The following ZNF764 variants were observed in gnomAD, a reference collection of about 807,000 sequenced individuals.
ZNF764 encodes the protein zinc finger protein 764.
ZNF764 carries 10 observed loss-of-function variants against 13.9 expected under a neutral mutation model. That is an observed-to-expected ratio of 0.72 (90% confidence interval 0.44 to 1.22). The LOEUF is 1.22. ZNF764 is among the 50% of genes most tolerant of loss of function. The pLI is 0.00. For synonymous variants in ZNF764, 313 were observed against 255.1 expected (o/e 1.23, Z -2.16); for missense variants, 647 against 589.7 (o/e 1.10, Z -1.01).
In ZNF764 at chr16:30,557,879, G is replaced by A. The variant is rs1197595695; in HGVS notation, c.197-33C>T. The A allele has an allele frequency of 8.9e-6, 14 of 1,580,636 alleles. No homozygotes were observed. In the South Asian group the frequency reaches 1.4e-4, roughly 15 times the overall value. ...AGAAGAACGCAAACCCCACGCTGCGGGGAGGCCACCTGCCCGGCCCCGGGG... is the reference window on the plus strand; with the variant it reads ...AGAAGAACGCAAACCCCACGCTGCGAGGAGGCCACCTGCCCGGCCCCGGGG... On this transcript the variant is annotated intron_variant, in intron 1 of 2. Transcript: ENST00000395091.
At position 30,557,629 on chromosome 16, in the gene ZNF764, G is replaced by A; in HGVS notation, c.310+104C>T. The stretch of plus-strand genomic sequence containing the variant: ...CCTCGTCGTCGCAGTTGAGAAGGCA[G>A]TTCAGAGAGGAAACTGCTAAGCAGG... On this transcript the variant is annotated intron_variant, in intron 2 of 2. Coordinates refer to ENST00000395091, the MANE Select transcript of ZNF764 (RefSeq NM_001172679.2). The A allele has an allele frequency of 2.0e-6, 3 of 1,494,046 alleles. No homozygotes were observed. In the South Asian group the frequency reaches 3.8e-5, roughly 19 times the overall value. 92.5% of individuals were successfully genotyped at this position (1,494,046 alleles called of 1,614,324 possible).
chr16:30,557,389 C>G (rs991717754), intron 2 of ZNF764, among the ~76,000 whole-genome samples: 102 of 152,128 alleles, frequency 6.7e-4, no homozygotes, highest in African/African-American at 2.3e-3. Flanking sequence ...ACTGCTTAAG[C>G]CCGGGAGTTC....
At chr16:30,556,605 G>A (rs892168695) in intron 2 of ZNF764, among the ~76,000 whole-genome samples, 1 of 151,788 alleles carries the variant, frequency 6.6e-6, no homozygotes, top group Non-Finnish European at 1.5e-5. Flanking sequence ...GGCTCAAGGC[G>A]GTAATCCCAG....
rs748875795 is a variant in ZNF764, at chr16:30,556,037, G to A, written c.381C>T (p.Ala127=). Residue 127 remains alanine, a synonymous_variant, in exon 3 of 3, where the codon GCC becomes GCT. Coordinates refer to ENST00000395091, the MANE Select transcript of ZNF764 (RefSeq NM_001172679.2). The part of the protein sequence containing the change: ...TGALEKPDPV[A]AGSPGLKSPQ... ...GAGACTTCAGCCCAGGAGACCCGGC[G>A]GCCACAGGGTCGGGCTTCTCCAGGG... 2.9e-5 allele frequency: 47 copies of A among 1,612,822 alleles called. No individual in the cohort carries two copies. In the South Asian group the frequency reaches 4.2e-4, roughly 14 times the overall value.
At chr16:30,556,178 G>T in intron 2 of ZNF764, 71 bp from the exon 3 acceptor site, 2 of 1,565,152 alleles carry the variant, frequency 1.3e-6, no homozygotes. Flanking sequence ...AGCCCGCGTG[G>T]ACAGGGACAG....
In ZNF764 at chr16:30,555,572, G is replaced by A. The variant is rs375550701; in HGVS notation, c.846C>T (p.Gly282=). ...ALYQHRRVHS[G]ETPFPCPDCG... ...AGTCCGGGCAGGGGAAGGGGGTCTC[G>A]CCGCTGTGCACGCGCCGGTGCTGGT... Residue 282 remains glycine, a synonymous_variant, in exon 3 of 3, where the codon GGC becomes GGT. Coordinates refer to ENST00000395091, the MANE Select transcript of ZNF764 (RefSeq NM_001172679.2). The A allele has an allele frequency of 8.5e-5, 130 of 1,534,350 alleles. No individual in the cohort carries two copies. The highest frequency in any genetic ancestry group is 1.1e-4 in the Non-Finnish European group (123 of 1,145,972).
Position 30,558,184 on chromosome 16 carries a change from G to C in ZNF764, c.-2C>G, listed in dbSNP as rs544019928. The C allele has an allele frequency of 6.3e-7, 1 of 1,583,002 alleles. No individual in the cohort carries two copies. The highest frequency in any genetic ancestry group is 8.5e-7 in the Non-Finnish European group (1 of 1,171,084). On this transcript the variant is annotated 5_prime_UTR_variant, in exon 1 of 3. Transcript: ENST00000395091. ...GAGCGGGGCCAGAGGCGGCGCCATG[G>C]TAACTGTCAACCCCGACGACGGATC...
rs1199702648 is a variant in ZNF764 at position 30,557,816 on chromosome 16, G to A, written c.227C>T (p.Ser76Phe). 6.2e-7 allele frequency: 1 copy of A among 1,611,472 alleles called. No homozygotes were observed. Among genetic ancestry groups the A allele is most frequent in the Non-Finnish European group, 8.5e-7 (1 of 1,178,736 alleles). ...CAGTTCGGCCTCCTCCTCCACCCAG[G>A]AGATGAGAGCTGGCTTGTTGCCTCC... ...GIGGNKPALISWVEEEAELWG... is the reference protein window; with the variant it reads ...GIGGNKPALIFWVEEEAELWG... The change falls in exon 2 of 3, where the codon TCC becomes TTC. Residue 76 changes from serine (S) to phenylalanine (F), a missense_variant. Coordinates refer to ENST00000395091, the MANE Select transcript of ZNF764 (RefSeq NM_001172679.2).
chr16:30,557,892 C>T (rs965533588), intron 1 of ZNF764, 46 bp from the exon 2 acceptor site: 1 of 1,573,486 alleles, frequency 6.4e-7, no homozygotes, highest in African/African-American at 1.4e-5. Flanking sequence ...AGGCCACCTG[C>T]CCGGCCCCGG....
chr16:30,555,614 G>A lies in ZNF764; in HGVS notation c.804C>T (p.Ser268=), dbSNP rs2051545538. 1.3e-6 allele frequency: 2 copies of A among 1,544,408 alleles called. No individual in the cohort carries two copies. Among genetic ancestry groups the A allele is most frequent in the African/African-American group, 2.7e-5 (2 of 73,724 alleles). ...YGCADCGRRF[S]QSSALYQHRR... is the part of the protein sequence containing the mutation. ...GGTGCTGGTAGAGGGCAGAGCTCTG[G>A]CTGAAGCGGCGGCCACAGTCGGCGC... The change falls in exon 3 of 3, where the codon AGC becomes AGT. Residue 268 remains serine (S), a synonymous_variant. Coordinates refer to ENST00000395091, the MANE Select transcript of ZNF764 (RefSeq NM_001172679.2).
In ZNF764 at chr16:30,555,499, T is replaced by G; in HGVS notation, c.919A>C (p.Thr307Pro). The G allele has an allele frequency of 1.3e-6, 2 of 1,542,254 alleles. No individual in the cohort carries two copies. The highest frequency in any genetic ancestry group is 1.7e-6 in the Non-Finnish European group (2 of 1,149,456). Residue 307 changes from threonine to proline, a missense_variant, in exon 3 of 3, where the codon ACC (threonine) becomes CCC (proline). Thr to Pro is a conservative substitution (Grantham distance 38). Transcript: ENST00000395091. ...YPSDLRRHVR[T>P]HTGEKPYPCP... ...GGGTAGGGCTTCTCGCCGGTGTGGGTGCGCACGTGGCGCCGCAGGTCCGAG... is the reference window on the plus strand; with the variant it reads ...GGGTAGGGCTTCTCGCCGGTGTGGGGGCGCACGTGGCGCCGCAGGTCCGAG...
chr16:30,557,885 C>T (rs921405772), intron 1 of ZNF764, 39 bp from the exon 2 acceptor site: 12 of 1,577,328 alleles, frequency 7.6e-6, no homozygotes, highest in Non-Finnish European at 7.8e-6. Context: ...TGCGGGGAGG[C>T]CACCTGCCCG....
Position 30,555,661 on chromosome 16 carries a change from T to C in ZNF764, c.757A>G (p.Thr253Ala), listed in dbSNP as rs1362050615. Residue 253 changes from threonine to alanine, a missense_variant, in exon 3 of 3, where the codon ACC (threonine) becomes GCC (alanine). Coordinates refer to ENST00000395091, the MANE Select transcript of ZNF764 (RefSeq NM_001172679.2). ...SALTSHLRVHTGEKPYGCADC... is the reference protein window; with the variant it reads ...SALTSHLRVHAGEKPYGCADC... ...GCGCAGCCATAGGGTTTCTCGCCGG[T>C]GTGGACGCGCAGGTGCGAAGTCAGC... 6.5e-7 allele frequency: 1 copy of C among 1,547,452 alleles called. No homozygotes were observed. Among genetic ancestry groups the C allele is most frequent in the Non-Finnish European group, 8.7e-7 (1 of 1,150,578 alleles).
At chr16:30,556,935 G>A (rs926923476) in intron 2 of ZNF764, among the ~76,000 whole-genome samples, 1 of 152,164 alleles carries the variant, frequency 6.6e-6, no homozygotes, top group Admixed American at 6.5e-5. Flanking sequence ...AGAAGTTCGA[G>A]ACCAGCCTGG....
chr16:30,557,900 C>T lies in ZNF764; in HGVS notation c.197-54G>A, dbSNP rs756552827. 3.8e-6 allele frequency: 6 copies of T among 1,572,052 alleles called. No individual in the cohort carries two copies. The African/African-American group carries it at 5.4e-5, about 14-fold the overall frequency. On this transcript the variant is annotated intron_variant, in intron 1 of 2. Transcript: ENST00000395091. ...TGCGGGGAGGCCACCTGCCCGGCCC[C>T]GGGGCCCCCAACTTCACGCGCAGCT... is the stretch of plus-strand genomic sequence containing the variant.
intron 2 of ZNF764, among the ~76,000 whole-genome samples, 162 bp from the exon 3 acceptor site, chr16:30,556,269 G>A (rs1429063225): frequency 1.3e-5 from 2 of 152,094 alleles, no homozygotes; most frequent in Non-Finnish European, 2.9e-5. Context: ...AGAGCCGGGA[G>A]GGAGAGAACA....
chr16:30,557,928 C>T, intron 1 of ZNF764, 59 bp downstream of exon 1: 1 of 1,572,724 alleles, frequency 6.4e-7, no homozygotes. Context: ...GCGCAGCTCC[C>T]AGAGGCGCGG....
In ZNF764 at chr16:30,555,256, C is replaced by T. The variant is rs764553953; in HGVS notation, c.1162G>A (p.Gly388Arg). 1.4e-5 allele frequency: 22 copies of T among 1,612,142 alleles called. No homozygotes were observed. The highest frequency in any genetic ancestry group is 1.8e-5 in the Non-Finnish European group (21 of 1,179,314). Residue 388 changes from glycine (G) to arginine (R), a missense_variant, in exon 3 of 3, where the codon GGA (glycine) becomes AGA (arginine). Physicochemically the swap from Gly to Arg is moderately radical, Grantham distance 125. Coordinates refer to ENST00000395091, the MANE Select transcript of ZNF764 (RefSeq NM_001172679.2). ...RLSVTLTPGH[G>R]DLDPPVGFQL... ...AAGCCCACGGGCGGGTCCAGGTCTC[C>T]GTGGCCAGGGGTCAGGGTCACAGAC...
Position 30,555,981 on chromosome 16 carries a change from C to G in ZNF764, c.437G>C (p.Gly146Ala). 6.2e-7 allele frequency: 1 copy of G among 1,612,294 alleles called. No homozygotes were observed. The highest frequency in any genetic ancestry group is 8.5e-7 in the Non-Finnish European group (1 of 1,179,940). Residue 146 changes from glycine (G) to alanine (A), a missense_variant, in exon 3 of 3, where the codon GGT becomes GCT. Coordinates refer to ENST00000395091, the MANE Select transcript of ZNF764 (RefSeq NM_001172679.2). ...CGGTGCCTTGGACAGCTGCTCCCAA[C>G]CATAAGGGGGCCCGGCCGAGGGGGC... ...PQAPSAGPPY[G>A]WEQLSKAPHR...
Sources: allele counts gnomAD v4.1 joint callset (sites outside exome capture counted in the v4.1 genomes callset), GRCh38; gene constraint gnomAD v4.1.1; transcripts MANE v1.5; gene names NCBI Gene and HGNC (gene_info 2026-07-23, HGNC 2026-07-21).